Variants in EML3 observed in about 807,000 individuals in gnomAD.
EML3 encodes the protein EMAP like 3, also known as echinoderm microtubule-associated protein-like 3.
EML3 carries 53 observed loss-of-function variants against 106.7 expected under a neutral mutation model. The ratio of observed to expected loss-of-function variants is 0.50; its 90% confidence interval spans 0.40 to 0.62. The LOEUF (loss-of-function observed/expected upper bound fraction) is 0.62. Ranked by LOEUF, EML3 falls within the 20% of genes least tolerant of loss-of-function variation. The pLI is 0.00. For synonymous variants in EML3, 499 were observed against 489.6 expected, an observed-to-expected ratio of 1.02 and a Z score of -0.25; for missense variants, 994 against 1,209.1, an observed-to-expected ratio of 0.82 and a Z score of 2.64.
rs1942464609 is a variant in EML3, at chr11:62,605,567, G to A, written c.1914+75C>T. The A allele has an allele frequency of 6.7e-7, 1 of 1,495,040 alleles. No individual in the cohort carries two copies. Among genetic ancestry groups the A allele is most frequent in the Non-Finnish European group, 8.9e-7 (1 of 1,123,070 alleles). 92.6% of individuals were successfully genotyped at this position (1,495,040 alleles called of 1,614,324 possible). Reference sequence around the variant, plus strand: ...CCACCTCTGGGAGGCAGAAGGCAAGGTGCTGGGGAAGGCGTGGTGGCCACA... The same window carrying A: ...CCACCTCTGGGAGGCAGAAGGCAAGATGCTGGGGAAGGCGTGGTGGCCACA... On this transcript the variant is annotated intron_variant, in intron 15 of 21. Transcript: ENST00000394773. This position sits in a 1 kb window ranked among gnomAD's most constrained non-coding sequence, Gnocchi z 5.2.
chr11:62,603,016 C>T, intron 20 of EML3, 127 bp from the exon 21 acceptor site: 6 of 1,488,884 alleles, frequency 4.0e-6, no homozygotes, highest in Non-Finnish European at 5.4e-6. Context: ...CCTTCCCGGT[C>T]CCGAGGGGCC....
At position 62,605,736 on chromosome 11, in the gene EML3, G is replaced by T. The variant is rs765218426; in HGVS notation, c.1820C>A (p.Pro607His). The T allele has an allele frequency of 6.3e-7, 1 of 1,599,674 alleles. No individual in the cohort carries two copies. Residue 607 changes from proline (P) to histidine (H), a missense_variant, in exon 15 of 22, where the codon CCC (proline) becomes CAC (histidine). Transcript: ENST00000394773. This position sits in a 1 kb window ranked among gnomAD's most constrained non-coding sequence, Gnocchi z 5.2. Reference sequence around the variant, plus strand: ...GCAGGTGAGGAAGCGGTTCTGGGAGGGGTGTGTGCAGAGCCCCCAGAGCTC... The same window carrying T: ...GCAGGTGAGGAAGCGGTTCTGGGAGTGGTGTGTGCAGAGCCCCCAGAGCTC... The part of the protein sequence containing the change: ...TDELWGLCTH[P>H]SQNRFLTCGH...
chr11:62,602,885 G>A lies in EML3; in HGVS notation c.2361C>T (p.Val787=), dbSNP rs1389304359. The change falls in exon 21 of 22, where the codon GTC becomes GTT. Residue 787 remains valine (V), a synonymous_variant. Transcript: ENST00000394773. Reference sequence around the variant, plus strand: ...CGGTCCCATCGGAGCCGTCCGGCCAGACGCCTAGCACAGCGGCCGGCCTCA... The same window carrying A: ...CGGTCCCATCGGAGCCGTCCGGCCAAACGCCTAGCACAGCGGCCGGCCTCA... ...TCVLGFHVYG[V]WPDGSDGTDI... 6.4e-7 allele frequency: 1 copy of A among 1,570,136 alleles called. No individual in the cohort carries two copies. The highest frequency in any genetic ancestry group is 8.6e-7 in the Non-Finnish European group (1 of 1,157,774).
rs1211889536 is a variant in EML3 at position 62,609,346 on chromosome 11, C to T, written c.758+8G>A. 2 of 1,559,568 alleles carry T rather than the reference C, an allele frequency of 1.3e-6. No individual in the cohort carries two copies. The highest frequency in any genetic ancestry group is 1.7e-6 in the Non-Finnish European group (2 of 1,153,238). On this transcript the variant is annotated splice_region_variant and intron_variant, in intron 6 of 21. Transcript: ENST00000394773. ...GTGGTTCTCATGGGACTGGAAGGGG[C>T]AGGATACACCCAGTCAAGGCTGAGG...
At position 62,603,760 on chromosome 11, in the gene EML3, C is replaced by T; in HGVS notation, c.2226G>A (p.Met742Ile). 1 of 1,614,144 alleles carries T rather than the reference C, an allele frequency of 6.2e-7. No homozygotes were observed. Among genetic ancestry groups the T allele is most frequent in the Admixed American group, 1.7e-5 (1 of 60,026 alleles). Residue 742 changes from methionine (M) to isoleucine (I), a missense_variant, in exon 19 of 22, where the codon ATG becomes ATA. Met to Ile is a conservative substitution (Grantham distance 10). Transcript: ENST00000394773. The part of the protein sequence containing the change: ...LDWSKDGNFI[M>I]SNSGDYEILY... Reference sequence around the variant, plus strand: ...GAATCTCATAGTCCCCAGAATTGGACATGATGAAATTCCCATCCTTGGACC... The same window carrying T: ...GAATCTCATAGTCCCCAGAATTGGATATGATGAAATTCCCATCCTTGGACC...
At chr11:62,608,094 G>T in intron 10 of EML3, 107 bp downstream of exon 10, 1 of 1,143,976 alleles carries the variant, frequency 8.7e-7, no homozygotes, top group South Asian at 1.3e-5. Flanking sequence ...TGCCCCATGT[G>T]ACCCAGCCAA....
chr11:62,611,747 C>T (rs1942841553), intron 1 of EML3, 151 bp from the exon 2 acceptor site: 5 of 900,534 alleles, frequency 5.6e-6, no homozygotes, highest in Admixed American at 3.1e-5. Context: ...GGGGAGGAGA[C>T]GGTGGTAAAG....
chr11:62,605,072 C>T lies in EML3; in HGVS notation c.1982+41G>A, dbSNP rs1942445304. On this transcript the variant is annotated intron_variant, in intron 16 of 21. Coordinates refer to ENST00000394773, the MANE Select transcript of EML3 (RefSeq NM_153265.3). The surrounding 1 kb of genome is among the most constrained non-coding windows in gnomAD (Gnocchi z 5.2). ...CCCAGTACCAGGAACCCTTCCCAGT[C>T]CTCCCTGCTTTCCCTCCTGGGAGTC... 1 of 1,590,188 alleles carries T rather than the reference C, an allele frequency of 6.3e-7. No homozygotes were observed. The highest frequency in any genetic ancestry group is 1.1e-5 in the South Asian group (1 of 88,184).
chr11:62,609,017 C>T lies in EML3; in HGVS notation c.874G>A (p.Gly292Ser), dbSNP rs755935381. The T allele has an allele frequency of 1.9e-6, 3 of 1,613,936 alleles. No individual in the cohort carries two copies. Among genetic ancestry groups the T allele is most frequent in the African/African-American group, 1.3e-5 (1 of 74,918 alleles). Residue 292 changes from glycine (G) to serine (S), a missense_variant, in exon 7 of 22, where the codon GGT becomes AGT. By Grantham distance (56) the Gly-to-Ser change is moderately conservative (BLOSUM62 0). Transcript: ENST00000394773. ...VLYRPGGGPG[G>S]PGGGGQRHYR... is the part of the protein sequence containing the mutation. ...TGTCTCTGGCCGCCACCTCCAGGACCCCCTGGGCCTCCTCCAGGCCGGTAC... is the reference window on the plus strand; with the variant it reads ...TGTCTCTGGCCGCCACCTCCAGGACTCCCTGGGCCTCCTCCAGGCCGGTAC...
rs1942714335 is a variant in EML3 at position 62,609,660 on chromosome 11, G to T, written c.603C>A (p.Gly201=). 6.2e-7 allele frequency: 1 copy of T among 1,607,820 alleles called. No homozygotes were observed. Among genetic ancestry groups the T allele is most frequent in the African/African-American group, 1.3e-5 (1 of 74,558 alleles). ...TGTAATTGCTCCTCCGAGATCCAGG[G>T]CCCCCAGGGCTGGAGAGGGGGTCTT... The part of the protein sequence containing the change: ...GGKDPLSSPG[G]PGSRRSNYNL... The change falls in exon 5 of 22, where the codon GGC becomes GGA. Residue 201 remains glycine, a synonymous_variant. Coordinates refer to ENST00000394773, the MANE Select transcript of EML3 (RefSeq NM_153265.3).
chr11:62,607,211 GC>G (rs1301838298), intron 11 of EML3, 112 bp from the exon 12 acceptor site: 3 of 1,385,818 alleles, frequency 2.2e-6, no homozygotes, highest in Non-Finnish European at 2.9e-6. Context: ...ACTTTGGGAG[GC>G]CAAGGCGGGC....
Position 62,605,701 on chromosome 11 carries a change from G to C in EML3, c.1855C>G (p.Arg619Gly), listed in dbSNP as rs375303962. Residue 619 changes from arginine to glycine, a missense_variant, in exon 15 of 22, where the codon CGG (arginine) becomes GGG (glycine). Coordinates refer to ENST00000394773, the MANE Select transcript of EML3 (RefSeq NM_153265.3). The surrounding 1 kb of genome is among the most constrained non-coding windows in gnomAD (Gnocchi z 5.2). ...QNRFLTCGHD[R>G]QLCLWDGESH... ...TCCCCATCCCACAGGCAGAGCTGCC[G>C]GTCGTGGCCGCAGGTGAGGAAGCGG... 1 of 1,598,686 alleles carries C rather than the reference G, an allele frequency of 6.3e-7. No individual in the cohort carries two copies. The highest frequency in any genetic ancestry group is 1.3e-5 in the African/African-American group (1 of 74,836).
Position 62,602,767 on chromosome 11 carries a change from G to C in EML3, c.2479C>G (p.Arg827Gly). 5 of 1,611,442 alleles carry C rather than the reference G, an allele frequency of 3.1e-6. No individual in the cohort carries two copies. The highest frequency in any genetic ancestry group is 4.2e-6 in the Non-Finnish European group (5 of 1,179,342). The change falls in exon 21 of 22, where the codon CGT becomes GGT. Residue 827 changes from arginine (R) to glycine (G), a missense_variant. Arg to Gly is a moderately radical substitution (Grantham distance 125). Transcript: ENST00000394773. ...GATCCCCGCGGCCTCACCTTGGCAC[G>C]AGCGCACGGGTACTGGAAGAGATGC... is the stretch of plus-strand genomic sequence containing the variant. ...KVHLFQYPCARAKAPSRMYGG... is the reference protein window; with the variant it reads ...KVHLFQYPCAGAKAPSRMYGG...
At position 62,609,688 on chromosome 11, in the gene EML3, C is replaced by G. The variant is rs199631175; in HGVS notation, c.575G>C (p.Gly192Ala). Residue 192 changes from glycine (G) to alanine (A), a missense_variant, in exon 5 of 22, where the codon GGA (glycine) becomes GCA (alanine). Around this residue, in one of 3 missense-constraint regions of EML3, gnomAD observed 269 missense variants for 265.1 expected, o/e 1.01. Coordinates refer to ENST00000394773, the MANE Select transcript of EML3 (RefSeq NM_153265.3). ...VRSGSTESRG[G>A]KDPLSSPGGP... is the part of the protein sequence containing the mutation. ...CCCAGGGCTGGAGAGGGGGTCTTTT[C>G]CCCCACGGCTGTTGGGAAGAGAGAA... 6.9e-6 allele frequency: 11 copies of G among 1,599,816 alleles called. No homozygotes were observed.
At position 62,605,173 on chromosome 11, in the gene EML3, C is replaced by A. The variant is rs2134359699; in HGVS notation, c.1922G>T (p.Gly641Val). 6.2e-7 allele frequency: 1 copy of A among 1,612,620 alleles called. No individual in the cohort carries two copies. Among genetic ancestry groups the A allele is most frequent in the Non-Finnish European group, 8.5e-7 (1 of 1,179,212 alleles). The change falls in exon 16 of 22, where the codon GGT becomes GTT. Residue 641 changes from glycine (G) to valine (V), a missense_variant. By Grantham distance (109) the Gly-to-Val change is moderately radical. Coordinates refer to ENST00000394773, the MANE Select transcript of EML3 (RefSeq NM_153265.3). The surrounding 1 kb of genome is among the most constrained non-coding windows in gnomAD (Gnocchi z 5.2). ...LAWSIDLKET[G>V]LCADFHPSGA... ...ACTCGGGTGGAAGTCAGCACAGAGA[C>A]CAGTCTCCTGGGAGAGGGGAGAAGG...
rs1283527043 is a variant in EML3, at chr11:62,602,383, G to T, written c.*92C>A. On this transcript the variant is annotated 3_prime_UTR_variant, in exon 22 of 22. Coordinates refer to ENST00000394773, the MANE Select transcript of EML3 (RefSeq NM_153265.3). ...AATGTCTCGAAGTCAGTCCAGGAAAGAGTCGGCCCCTAGTCGTGGGGGATT... is the reference window on the plus strand; with the variant it reads ...AATGTCTCGAAGTCAGTCCAGGAAATAGTCGGCCCCTAGTCGTGGGGGATT... 8 of 1,547,362 alleles carry T rather than the reference G, an allele frequency of 5.2e-6. No homozygotes were observed. Among genetic ancestry groups the T allele is most frequent in the Non-Finnish European group, 6.1e-6 (7 of 1,144,570 alleles).
chr11:62,612,659 C>CT lies in EML3; in HGVS notation c.-203_-202insA. ...CCGGGGCCGCAGTCTCCAGACCCCCCCGGGCCCTCGGACTCTCCCGGGGCC... is the reference window on the plus strand; with the variant it reads ...CCGGGGCCGCAGTCTCCAGACCCCCCTCGGGCCCTCGGACTCTCCCGGGGCC... On this transcript the variant is annotated 5_prime_UTR_variant, in exon 1 of 22. Coordinates refer to ENST00000394773, the MANE Select transcript of EML3 (RefSeq NM_153265.3). 1 of 421,748 alleles carries CT rather than the reference C, an allele frequency of 2.4e-6. No individual in the cohort carries two copies. The highest frequency in any genetic ancestry group is 8.3e-5 in the South Asian group (1 of 12,076). 26.1% of individuals were successfully genotyped at this position (421,748 alleles called of 1,614,324 possible). A position where few individuals can be genotyped will look rare whatever the true frequency, so the allele number is the denominator to read the frequency against.
Position 62,612,514 on chromosome 11 carries a change from G to T in EML3, c.-57C>A, listed in dbSNP as rs1393926949. The stretch of plus-strand genomic sequence containing the variant: ...CGGAGGAGGCGTCTAAGCCGCGGGG[G>T]CCACGGCCGGGGAGAGGGGAAGGGG... On this transcript the variant is annotated 5_prime_UTR_variant, in exon 1 of 22. Coordinates refer to ENST00000394773, the MANE Select transcript of EML3 (RefSeq NM_153265.3). The T allele has an allele frequency of 2.2e-6, 3 of 1,347,646 alleles. No homozygotes were observed. Among genetic ancestry groups the T allele is most frequent in the East Asian group, 3.1e-5 (1 of 31,988 alleles). The allele number at this position is 1,347,646 out of a possible 1,614,324, so 83.5% of individuals were successfully genotyped here.
In EML3 at chr11:62,602,978, G is replaced by A. The variant is rs903691824; in HGVS notation, c.2357-89C>T. ...CCATTTCAGGCGCTCCGGCAGCCGC[G>A]GCCACCCACTGCCGCGTTCCAGGCA... On this transcript the variant is annotated intron_variant, in intron 20 of 21. Coordinates refer to ENST00000394773, the MANE Select transcript of EML3 (RefSeq NM_153265.3). 2.0e-5 allele frequency: 29 copies of A among 1,471,222 alleles called. No individual in the cohort carries two copies. In the Admixed American group the frequency reaches 5.0e-4, roughly 25 times the overall value. The allele number at this position is 1,471,222 out of a possible 1,614,324, so 91.1% of individuals were successfully genotyped here. A position where few individuals can be genotyped will look rare whatever the true frequency, so the allele number is the denominator to read the frequency against.
Sources: allele counts gnomAD v4.1 joint callset, GRCh38; gene constraint gnomAD v4.1.1; regional missense constraint gnomAD v4.1.1; non-coding constraint Gnocchi (gnomAD v3.1); transcripts MANE v1.5; gene names NCBI Gene and HGNC (gene_info 2026-07-23, HGNC 2026-07-21).